The following NBEAL1 variants were observed in gnomAD, a reference collection of about 807,000 sequenced individuals.
The protein encoded by NBEAL1 is neurobeachin like 1.
NBEAL1 carries 273 observed loss-of-function variants against 351.3 expected under a neutral mutation model. The observed-to-expected ratio is 0.78, with a 90% confidence interval of 0.70 to 0.86. The LOEUF is 0.86. Ranked by LOEUF, NBEAL1 falls within the 40% of genes least tolerant of loss-of-function variation. NBEAL1 has a pLI of 0.00. For synonymous variants in NBEAL1, 1,050 were observed against 1,086.4 expected (o/e 0.97, Z 0.66); for missense variants, 2,961 against 3,201.3 (o/e 0.92, Z 1.81).
rs766158692 is a variant in NBEAL1 at position 203,083,288 on chromosome 2, T to G, written c.754T>G (p.Ser252Ala). 4 of 1,552,814 alleles carry G rather than the reference T, an allele frequency of 2.6e-6. No individual in the cohort carries two copies. In the South Asian group the frequency reaches 4.8e-5, roughly 18 times the overall value. ...TATGCGAGTATTGGCAGATTGTGAT[T>G]CCTGGGAGGATGGAGATCCTGAAGA... ...VLMRVLADCDSWEDGDPEEVG... is the reference protein window; with the variant it reads ...VLMRVLADCDAWEDGDPEEVG... The change falls in exon 9 of 56, where the codon TCC becomes GCC. Residue 252 changes from serine (S) to alanine (A), a missense_variant. By Grantham distance (99) the Ser-to-Ala change is moderately conservative. Transcript: ENST00000683969.
At chr2:203,073,470 T>C (rs746890773) in intron 7 of NBEAL1, among the ~76,000 whole-genome samples, 1 of 152,134 alleles carries the variant, frequency 6.6e-6, no homozygotes, top group Non-Finnish European at 1.5e-5. Flanking sequence ...TTTTTCTTGA[T>C]TGGTCTAGCT....
chr2:203,201,317 CT>C (rs1057477876), intron 49 of NBEAL1, among the ~76,000 whole-genome samples: 1 of 152,006 alleles, frequency 6.6e-6, no homozygotes, highest in African/African-American at 2.4e-5. Flanking sequence ...CTGATTTCAC[CT>C]TTTTTTGTTT....
chr2:203,168,441 G>A (rs1453176385), intron 38 of NBEAL1, among the ~76,000 whole-genome samples: 1 of 152,086 alleles, frequency 6.6e-6, no homozygotes, highest in East Asian at 1.9e-4. Context: ...AAACTAGCTG[G>A]TCGTGGTGGC....
intron 47 of NBEAL1, among the ~76,000 whole-genome samples, 190 bp from the exon 48 acceptor site, chr2:203,197,112 G>C (rs2065259697): frequency 6.6e-6 from 1 of 152,120 alleles, no homozygotes; most frequent in Non-Finnish European, 1.5e-5. Context: ...ATGGGTTTCA[G>C]AAATTTCAAG....
At chr2:203,041,938 G>T (rs2061148718) in intron 3 of NBEAL1, 82 bp downstream of exon 3, 9 of 898,364 alleles carry the variant, frequency 1.0e-5, no homozygotes, top group African/African-American at 1.7e-5. Flanking sequence ...ATATTACAAG[G>T]ATGGCAATTA....
intron 10 of NBEAL1, among the ~76,000 whole-genome samples, chr2:203,093,886 T>C (rs191348943): frequency 2.0e-5 from 3 of 152,076 alleles, no homozygotes; most frequent in Admixed American, 2.0e-4. Flanking sequence ...AAACCAAGCT[T>C]TGGGACCTGG....
intron 46 of NBEAL1, chr2:203,190,906 G>A (rs1351807411): frequency 7.4e-6 from 12 of 1,611,316 alleles, no homozygotes; most frequent in Non-Finnish European, 1.0e-5. Flanking sequence ...AAAAAAGGTT[G>A]GTGATGACAT....
At chr2:203,040,693 G>T in intron 2 of NBEAL1, 1 of 628,090 alleles carries the variant, frequency 1.6e-6, no homozygotes, top group South Asian at 1.4e-5. Context: ...TGCCTTCCCA[G>T]GGAAGTATTT....
chr2:203,050,071 C>A, intron 4 of NBEAL1, 96 bp downstream of exon 4: 1 of 1,145,034 alleles, frequency 8.7e-7, no homozygotes, highest in South Asian at 1.5e-5. Flanking sequence ...ACACACTGGG[C>A]CTATTGGTGG....
intron 6 of NBEAL1, among the ~76,000 whole-genome samples, chr2:203,058,486 C>G (rs1038904279): frequency 2.6e-5 from 4 of 152,208 alleles, no homozygotes; most frequent in Admixed American, 2.6e-4. Flanking sequence ...TTATCAGAAT[C>G]TAGACTTTTG....
At chr2:203,084,269 G>C (rs76683651) in intron 9 of NBEAL1, among the ~76,000 whole-genome samples, 194 bp from the exon 10 acceptor site, 1,857 of 152,106 alleles carry the variant, frequency 0.012, 30 homozygotes, top group Middle Eastern at 0.051. Flanking sequence ...CACTCATAAC[G>C]AACATTAATT....
intron 2 of NBEAL1, chr2:203,041,030 A>G (rs1321520314): frequency 1.3e-5 from 3 of 227,810 alleles, no homozygotes; most frequent in Admixed American, 9.9e-5. Context: ...GGGTTAAAAT[A>G]TAGTGGCTTA....
intron 8 of NBEAL1, among the ~76,000 whole-genome samples, chr2:203,080,288 T>C (rs892249459): frequency 1.3e-5 from 2 of 152,044 alleles, no homozygotes; most frequent in South Asian, 4.2e-4. Context: ...GGTGGGCGCC[T>C]GTAATCCCTG....
chr2:203,081,677 G>T (rs535905716), intron 8 of NBEAL1, among the ~76,000 whole-genome samples: 4 of 152,184 alleles, frequency 2.6e-5, no homozygotes, highest in Non-Finnish European at 5.9e-5. Flanking sequence ...ATGTCAATCT[G>T]TCATGCTTAC....
intron 2 of NBEAL1, among the ~76,000 whole-genome samples, chr2:203,028,217 T>C (rs2060891759): frequency 6.6e-6 from 1 of 151,528 alleles, no homozygotes; most frequent in Non-Finnish European, 1.5e-5. Flanking sequence ...AGGGTCTTGC[T>C]ATGTTGCCCA....
At chr2:203,146,619 T>C (rs1206708113) in intron 33 of NBEAL1, among the ~76,000 whole-genome samples, 2 of 152,024 alleles carry the variant, frequency 1.3e-5, no homozygotes, top group South Asian at 2.1e-4. Context: ...ATAGGGAGAC[T>C]CCATCTCTAC....
At chr2:203,216,250 A>T (rs1283003921) in intron 55 of NBEAL1, among the ~76,000 whole-genome samples, 1 of 152,138 alleles carries the variant, frequency 6.6e-6, no homozygotes. Context: ...CAAGGGGCTT[A>T]TGCTCTCCTT....
chr2:203,020,670 C>CA (rs201438851), intron 2 of NBEAL1, among the ~76,000 whole-genome samples: 780 of 58,636 alleles, frequency 0.013, 6 homozygotes, highest in East Asian at 0.028. Flanking sequence ...GACTCTGTCT[C>CA]AAAAAAAAAA....
At chr2:203,089,018 C>T (rs1398470531) in intron 10 of NBEAL1, among the ~76,000 whole-genome samples, 1 of 151,890 alleles carries the variant, frequency 6.6e-6, no homozygotes, top group Admixed American at 6.6e-5. Context: ...ACATCTGGTC[C>T]AGTAGGTAAT....
Sources: allele counts gnomAD v4.1 joint callset (sites outside exome capture counted in the v4.1 genomes callset), GRCh38; gene constraint gnomAD v4.1.1; transcripts MANE v1.5; gene names NCBI Gene and HGNC (gene_info 2026-07-23, HGNC 2026-07-21).